The following MTUS2 variants were observed in gnomAD, a reference collection of about 807,000 sequenced individuals.
MTUS2 encodes microtubule-associated tumor suppressor candidate 2.
In MTUS2, 40 loss-of-function variants were observed where a neutral mutation model predicts 114.1. The observed-to-expected ratio is 0.35, with a 90% CI of 0.27 to 0.46. The LOEUF is 0.46. MTUS2 is among the 20% of genes least tolerant of loss of function. MTUS2 has a pLI of 1.00. For missense variants in MTUS2, 1,679 were observed against 1,705.4 expected (o/e 0.98, Z 0.27); for synonymous variants, 688 against 672.0 (o/e 1.02, Z -0.37).
intron 5 of MTUS2, among the ~76,000 whole-genome samples, chr13:29,191,376 CAAT>C (rs1447340910): frequency 6.6e-6 from 1 of 151,942 alleles, no homozygotes; most frequent in African/African-American, 2.4e-5. Context: ...GCTATAAAAA[CAAT>C]GATGAGAAGC....
chr13:29,091,568 C>A (rs1332522523), intron 4 of MTUS2, among the ~76,000 whole-genome samples: 1 of 152,118 alleles, frequency 6.6e-6, no homozygotes, highest in Non-Finnish European at 1.5e-5. Context: ...TTCACATGAT[C>A]CAGTCTTCCC....
At chr13:29,389,711 GTA>G (rs1161084819) in intron 8 of MTUS2, among the ~76,000 whole-genome samples, 3 of 139,868 alleles carry the variant, frequency 2.1e-5, no homozygotes, top group African/African-American at 8.2e-5. Flanking sequence ...ATGTGTATAT[GTA>G]TATATACATA....
intron 8 of MTUS2, among the ~76,000 whole-genome samples, chr13:29,415,873 T>A (rs9508444): frequency 0.19 from 29,255 of 151,948 alleles, 3,030 homozygotes; most frequent in Middle Eastern, 0.26. Flanking sequence ...GAATGTCCAT[T>A]GTCCCGTTTT....
chr13:29,128,214 C>T (rs1435393931), intron 5 of MTUS2, among the ~76,000 whole-genome samples: 2 of 152,202 alleles, frequency 1.3e-5, no homozygotes, highest in Non-Finnish European at 2.9e-5. Flanking sequence ...CCTCCTGGGC[C>T]ACTGCTGGGC....
intron 5 of MTUS2, chr13:29,242,566 C>T (rs1005662581): frequency 1.3e-5 from 2 of 156,504 alleles, no homozygotes; most frequent in Admixed American, 6.5e-5. Flanking sequence ...TCTGAATTAT[C>T]TGTTTGGATG....
chr13:29,307,809 T>G lies in MTUS2; in HGVS notation c.2807-16804T>G, dbSNP rs540473060. 16 of 876,570 alleles carry G rather than the reference T, an allele frequency of 1.8e-5. No homozygotes were observed. The South Asian group carries it at 2.1e-4, about 12-fold the overall frequency. The allele number at this position is 876,570 out of a possible 1,614,324, so 54.3% of individuals were successfully genotyped here. ...AAGACCCCCAGACCACCAGCCCCAG[T>G]GAGAGCACAAGAGGAAGAGAGAGGC... On this transcript the variant is annotated intron_variant, in intron 6 of 15. Transcript: ENST00000612955.
At chr13:29,157,046 C>T (rs1593537726) in intron 5 of MTUS2, among the ~76,000 whole-genome samples, 2 of 152,298 alleles carry the variant, frequency 1.3e-5, no homozygotes, top group South Asian at 4.1e-4. Context: ...TAAGATTCAT[C>T]CATGTTCATA....
At chr13:28,848,720 G>A (rs946582851) in intron 2 of MTUS2, among the ~76,000 whole-genome samples, 1 of 151,898 alleles carries the variant, frequency 6.6e-6, no homozygotes, top group Non-Finnish European at 1.5e-5. Context: ...TGCCAATCCC[G>A]CTGCTGTTGA....
intron 5 of MTUS2, among the ~76,000 whole-genome samples, chr13:29,149,451 A>AT (rs1296073816): frequency 6.6e-6 from 1 of 151,912 alleles, no homozygotes; most frequent in East Asian, 1.9e-4. Context: ...TAGATTACAC[A>AT]TTTTTTCTCC....
At chr13:28,908,866 A>G (rs1026019690) in intron 2 of MTUS2, among the ~76,000 whole-genome samples, 5 of 151,564 alleles carry the variant, frequency 3.3e-5, no homozygotes, top group African/African-American at 7.3e-5. Context: ...TAATTTTTGT[A>G]TAAGATATAA....
intron 8 of MTUS2, among the ~76,000 whole-genome samples, chr13:29,369,840 T>G (rs1871059254): frequency 6.6e-6 from 1 of 152,232 alleles, no homozygotes; most frequent in African/African-American, 2.4e-5. Flanking sequence ...TTTCTCAAAT[T>G]CTTCTTCAAT....
chr13:29,293,113 T>G (rs952219799), intron 6 of MTUS2, among the ~76,000 whole-genome samples: 2 of 152,102 alleles, frequency 1.3e-5, no homozygotes, highest in Non-Finnish European at 2.9e-5. Context: ...ATGACAAAAT[T>G]ACATAAAATC....
chr13:29,502,316 A>G (rs1398390100), intron 15 of MTUS2, among the ~76,000 whole-genome samples: 2 of 152,242 alleles, frequency 1.3e-5, no homozygotes, highest in Non-Finnish European at 2.9e-5. Flanking sequence ...AAATGCAACA[A>G]AGCAAGCAAT....
intron 2 of MTUS2, among the ~76,000 whole-genome samples, chr13:28,911,426 A>T (rs913610211): frequency 2.6e-5 from 4 of 150,962 alleles, no homozygotes; most frequent in Non-Finnish European, 5.9e-5. Flanking sequence ...CACCCGCCTC[A>T]GCCTCCCGAA....
intron 2 of MTUS2, among the ~76,000 whole-genome samples, chr13:28,964,014 C>T (rs1226865491): frequency 1.3e-5 from 2 of 152,168 alleles, no homozygotes; most frequent in Non-Finnish European, 2.9e-5. Context: ...TAAGTCTTCC[C>T]CAGGCCCTTG....
intron 7 of MTUS2, among the ~76,000 whole-genome samples, chr13:29,337,990 A>G (rs1901169423): frequency 1.4e-5 from 2 of 145,734 alleles, no homozygotes; most frequent in Admixed American, 6.9e-5. Context: ...GGGTTTCACC[A>G]TGTTGGTTGG....
At chr13:29,500,203 C>A (rs951007898) in intron 14 of MTUS2, among the ~76,000 whole-genome samples, 1 of 152,216 alleles carries the variant, frequency 6.6e-6, no homozygotes, top group Non-Finnish European at 1.5e-5. Flanking sequence ...AAAGAATCTA[C>A]TCGATCACTT....
chr13:29,458,596 C>G (rs976991670), intron 9 of MTUS2, among the ~76,000 whole-genome samples: 1 of 152,148 alleles, frequency 6.6e-6, no homozygotes, highest in South Asian at 2.1e-4. Context: ...ACCCCTACAG[C>G]TTTAACTACC....
At chr13:29,140,232 C>T (rs11618923) in intron 5 of MTUS2, among the ~76,000 whole-genome samples, 61,731 of 151,890 alleles carry the variant, frequency 0.41, 14,140 homozygotes, top group Non-Finnish European at 0.48. Context: ...TGAAGAAAAA[C>T]GTTTAAATTT....
Sources: allele counts gnomAD v4.1 joint callset (sites outside exome capture counted in the v4.1 genomes callset), GRCh38; gene constraint gnomAD v4.1.1; transcripts MANE v1.5; gene names NCBI Gene and HGNC (gene_info 2026-07-23, HGNC 2026-07-21).